Variants in GALNT18 observed in about 807,000 individuals in gnomAD.
GALNT18 encodes the protein GalNAc-transferase 18.
A neutral mutation model predicts 69.5 loss-of-function variants in GALNT18; 44 were observed. That is an observed-to-expected ratio of 0.63 (90% CI 0.50 to 0.81). The LOEUF is 0.81. Ranked by LOEUF, GALNT18 falls within the 40% of genes least tolerant of loss-of-function variation. GALNT18 has a pLI of 0.00. For synonymous variants in GALNT18, 364 were observed against 318.2 expected (o/e 1.14, Z -1.53); for missense variants, 715 against 810.0 (o/e 0.88, Z 1.42).
chr11:11,373,884 G>T (rs987427409), intron 5 of GALNT18, among the ~76,000 whole-genome samples: 13 of 152,178 alleles, frequency 8.5e-5, no homozygotes, highest in Admixed American at 6.5e-4. Context: ...GGCAGTGGGG[G>T]AATAAAAGGA....
At chr11:11,529,584 G>A (rs144190139) in intron 1 of GALNT18, among the ~76,000 whole-genome samples, 62 of 152,008 alleles carry the variant, frequency 4.1e-4, no homozygotes, top group African/African-American at 9.2e-4. Flanking sequence ...GGGCTTCTCC[G>A]CCTCAATAAT....
Position 11,570,998 on chromosome 11 carries a change from G to A in GALNT18, c.235+50361C>T, listed in dbSNP as rs118102139. 5.8e-3 allele frequency among the ~76,000 whole-genome samples: 876 copies of A among 152,236 alleles called. 4 individuals carry two copies. The highest frequency in any genetic ancestry group is 0.034 in the Middle Eastern group (10 of 294). On this transcript the variant is annotated intron_variant, in intron 1 of 10. Coordinates refer to ENST00000227756, the MANE Select transcript of GALNT18 (RefSeq NM_198516.3). ...TTTCATGGGCCCCAAGTTTTCCTGG[G>A]TTGAGCACACTGTGTGTGATTCAAC...
chr11:11,426,104 C>T (rs936952704), intron 3 of GALNT18, among the ~76,000 whole-genome samples: 1 of 152,136 alleles, frequency 6.6e-6, no homozygotes, highest in Non-Finnish European at 1.5e-5. Flanking sequence ...AGAGCCTGGT[C>T]GCTACTGTCA....
chr11:11,418,373 A>C (rs930683903), intron 3 of GALNT18, among the ~76,000 whole-genome samples: 8 of 152,254 alleles, frequency 5.3e-5, no homozygotes, highest in African/African-American at 1.9e-4. Flanking sequence ...TGCTTGGAAC[A>C]CAGCAGGTAC....
At chr11:11,579,071 C>T (rs550906446) in intron 1 of GALNT18, among the ~76,000 whole-genome samples, 1 of 152,310 alleles carries the variant, frequency 6.6e-6, no homozygotes, top group East Asian at 1.9e-4. Context: ...GCTCGGGTTT[C>T]CCAGCCAGCA....
rs1279161953 is a variant in GALNT18 at position 11,616,345 on chromosome 11, A to G, written c.235+5014T>C. Among the ~76,000 whole-genome samples the G allele has an allele frequency of 6.6e-6, 1 of 152,218 alleles. No homozygotes were observed. Among genetic ancestry groups the G allele is most frequent in the African/African-American group, 2.4e-5 (1 of 41,464 alleles). On this transcript the variant is annotated intron_variant, in intron 1 of 10. Transcript: ENST00000227756. This position sits in a 1 kb window ranked among gnomAD's most constrained non-coding sequence, Gnocchi z 4.4. ...GGCCAGGCTCCATGACTTTGGTACA[A>G]TAAGACACTGTTGGTGGCTGTAAAG...
At chr11:11,327,295 C>T (rs1849940258) in intron 8 of GALNT18, 114 bp from the exon 9 acceptor site, 4 of 796,356 alleles carry the variant, frequency 5.0e-6, no homozygotes, top group African/African-American at 1.7e-5. Context: ...CCATAATCAG[C>T]CCAAGGCCCT....
rs1433949538 is a variant in GALNT18 at position 11,415,050 on chromosome 11, G to A, written c.595+17571C>T. Among the ~76,000 whole-genome samples the A allele has an allele frequency of 6.6e-6, 1 of 152,298 alleles. No homozygotes were observed. The highest frequency in any genetic ancestry group is 6.5e-5 in the Admixed American group (1 of 15,308). ...TGCTTTCCTGCTGGCTGTCATCTGG[G>A]GAATGCTCTTGGCAACAAGAGGCTG... is the stretch of plus-strand genomic sequence containing the variant. On this transcript the variant is annotated intron_variant, in intron 3 of 10. Coordinates refer to ENST00000227756, the MANE Select transcript of GALNT18 (RefSeq NM_198516.3). The surrounding 1 kb of genome is among the most constrained non-coding windows in gnomAD (Gnocchi z 4.1).
chr11:11,612,563 C>T (rs959005459), intron 1 of GALNT18, among the ~76,000 whole-genome samples: 17 of 152,178 alleles, frequency 1.1e-4, no homozygotes, highest in African/African-American at 3.6e-4. Context: ...TTGCCAGAGT[C>T]CCTGAATTAC....
At chr11:11,348,082 G>A (rs1392176799) in intron 6 of GALNT18, among the ~76,000 whole-genome samples, 1 of 36,316 alleles carries the variant, frequency 2.8e-5, no homozygotes, top group African/African-American at 3.1e-5. Context: ...ATGGGAATAA[G>A]AAAGAGAAGA....
intron 10 of GALNT18, among the ~76,000 whole-genome samples, chr11:11,273,848 A>G (rs1391742056): frequency 6.6e-6 from 1 of 152,148 alleles, no homozygotes; most frequent in Non-Finnish European, 1.5e-5. Context: ...CACAGGATGG[A>G]ATAATATTTA....
At chr11:11,354,005 C>G (rs1187831615) in intron 6 of GALNT18, among the ~76,000 whole-genome samples, 4 of 152,178 alleles carry the variant, frequency 2.6e-5, no homozygotes, top group Non-Finnish European at 5.9e-5. Context: ...ACAAATGAGG[C>G]TGAGATGCTG....
At chr11:11,385,427 C>G (rs1333283786) in intron 3 of GALNT18, among the ~76,000 whole-genome samples, 1 of 152,046 alleles carries the variant, frequency 6.6e-6, no homozygotes, top group African/African-American at 2.4e-5. Context: ...TCCCCAGCAG[C>G]TGGGACTACA....
chr11:11,537,038 T>C (rs1205152106), intron 1 of GALNT18, among the ~76,000 whole-genome samples: 1 of 152,256 alleles, frequency 6.6e-6, no homozygotes, highest in African/African-American at 2.4e-5. Flanking sequence ...TTTTATGTTT[T>C]ATATAAAAAT....
At position 11,583,034 on chromosome 11, in the gene GALNT18, G is replaced by T. The variant is rs1859123991; in HGVS notation, c.235+38325C>A. ...TGAGAGGCATGGGACTCTAAGTCCT[G>T]CCAACACTCAACTCAGGAAGGTCGT... On this transcript the variant is annotated intron_variant, in intron 1 of 10. Coordinates refer to ENST00000227756, the MANE Select transcript of GALNT18 (RefSeq NM_198516.3). This position sits in a 1 kb window ranked among gnomAD's most constrained non-coding sequence, Gnocchi z 4.7. 6.6e-6 allele frequency among the ~76,000 whole-genome samples: 1 copy of T among 152,146 alleles called. No homozygotes were observed. The highest frequency in any genetic ancestry group is 6.5e-5 in the Admixed American group (1 of 15,276).
chr11:11,440,699 A>T (rs1190305757), intron 2 of GALNT18, among the ~76,000 whole-genome samples: 1 of 152,230 alleles, frequency 6.6e-6, no homozygotes, highest in Non-Finnish European at 1.5e-5. Flanking sequence ...CCTTGTCCAC[A>T]TAGCAGTCCT....
chr11:11,362,189 G>C (rs781708904), intron 6 of GALNT18, among the ~76,000 whole-genome samples: 1 of 152,014 alleles, frequency 6.6e-6, no homozygotes, highest in Non-Finnish European at 1.5e-5. Flanking sequence ...TGAATGAATC[G>C]GAGACTAAAA....
chr11:11,350,124 A>G (rs1850372943), intron 6 of GALNT18, among the ~76,000 whole-genome samples: 1 of 152,260 alleles, frequency 6.6e-6, no homozygotes, highest in Non-Finnish European at 1.5e-5. Context: ...GAAGCTTTCC[A>G]TGAAGAAAAA....
At position 11,327,311 on chromosome 11, in the gene GALNT18, A is replaced by G. The variant is rs80045991; in HGVS notation, c.1417-130T>C. The G allele has an allele frequency of 8.0e-4, 547 of 684,166 alleles. 2 individuals carry two copies. The African/African-American group carries it at 9.1e-3, about 11-fold the overall frequency. The allele number at this position is 684,166 out of a possible 1,614,324, so 42.4% of individuals were successfully genotyped here. ...CATAATCAGCCCAAGGCCCTTGAAC[A>G]CTATAGAACCAACAAGCACCAGCTT... On this transcript the variant is annotated intron_variant, in intron 8 of 10. Coordinates refer to ENST00000227756, the MANE Select transcript of GALNT18 (RefSeq NM_198516.3).
Sources: gnomAD v4.1 joint callset for allele counts (sites outside exome capture counted in the v4.1 genomes callset) on GRCh38, gnomAD v4.1.1 for gene constraint, Gnocchi (gnomAD v3.1) non-coding constraint, MANE v1.5 for transcripts, NCBI Gene and HGNC (gene_info 2026-07-23, HGNC 2026-07-21) for gene names.